KCNK2: variants seen among roughly 807,000 people sequenced by gnomAD.
KCNK2 encodes potassium two pore domain channel subfamily K member 2.
In KCNK2, 21 loss-of-function variants were observed where a neutral mutation model predicts 40.5. The ratio of observed to expected loss-of-function variants is 0.52; its 90% CI spans 0.37 to 0.75. KCNK2 has a LOEUF of 0.75. Ranked by LOEUF, KCNK2 falls within the 30% of genes least tolerant of loss-of-function variation. The pLI is 0.00. For synonymous variants in KCNK2, 191 were observed against 202.2 expected, an observed-to-expected ratio of 0.94 and a Z score of 0.47; for missense variants, 399 against 531.6, an observed-to-expected ratio of 0.75 and a Z score of 2.45.
chr1:215,011,057 C>T (rs556415424), intron 1 of KCNK2, among the ~76,000 whole-genome samples: 138 of 150,562 alleles, frequency 9.2e-4, no homozygotes, highest in Non-Finnish European at 1.8e-3. Context: ...GTAAAATTCA[C>T]TATTTTTTGT....
chr1:215,146,388 A>G (rs550701406), intron 3 of KCNK2, among the ~76,000 whole-genome samples: 3 of 152,310 alleles, frequency 2.0e-5, no homozygotes, highest in African/African-American at 7.2e-5. Context: ...GAAATTTACA[A>G]CTGTCATGTA....
chr1:215,039,373 A>G (rs912695936), intron 1 of KCNK2, among the ~76,000 whole-genome samples: 5 of 152,162 alleles, frequency 3.3e-5, no homozygotes, highest in East Asian at 1.9e-4. Flanking sequence ...CCACTGAGTT[A>G]TATAATAATT....
rs528295280 is a variant in KCNK2 at position 215,191,126 on chromosome 1, A to C, written c.824-3827A>C. ...GTGGTGAAACCCTGTCTCTACTAAAAATACAAAAATTCGTCAGGCGTGGTG... is the reference window on the plus strand; with the variant it reads ...GTGGTGAAACCCTGTCTCTACTAAACATACAAAAATTCGTCAGGCGTGGTG... On this transcript the variant is annotated intron_variant, in intron 5 of 6. Coordinates refer to ENST00000444842, the MANE Select transcript of KCNK2 (RefSeq NM_001017425.3). 3.5e-3 allele frequency among the ~76,000 whole-genome samples: 534 copies of C among 152,006 alleles called. 1 individual carries two copies. The highest frequency in any genetic ancestry group is 0.021 in the Middle Eastern group (6 of 292).
intron 2 of KCNK2, among the ~76,000 whole-genome samples, chr1:215,117,402 A>G (rs928557006): frequency 6.6e-6 from 1 of 152,088 alleles, no homozygotes; most frequent in Non-Finnish European, 1.5e-5. Context: ...ATAAGTATGT[A>G]TCCTTCACTG....
chr1:215,223,520 G>T (rs1666267938), intron 6 of KCNK2, among the ~76,000 whole-genome samples: 1 of 152,098 alleles, frequency 6.6e-6, no homozygotes, highest in Non-Finnish European at 1.5e-5. Context: ...AAGATTGTAG[G>T]ACTGCAAGGG....
At chr1:215,168,034 G>A (rs574317956) in intron 3 of KCNK2, among the ~76,000 whole-genome samples, 2 of 151,230 alleles carry the variant, frequency 1.3e-5, no homozygotes, top group Non-Finnish European at 3.0e-5. Flanking sequence ...AAAAAAAACC[G>A]ATAAAAAACT....
chr1:215,167,488 C>A (rs2102631617), intron 3 of KCNK2, among the ~76,000 whole-genome samples: 1 of 151,984 alleles, frequency 6.6e-6, no homozygotes, highest in East Asian at 1.9e-4. Context: ...ATTTTTTAAC[C>A]CAAGCATATA....
intron 1 of KCNK2, among the ~76,000 whole-genome samples, chr1:215,021,138 T>A (rs546838226): frequency 6.6e-6 from 1 of 152,292 alleles, no homozygotes; most frequent in East Asian, 1.9e-4. Flanking sequence ...CAGTGAAAAA[T>A]TATGCTTCAG....
chr1:215,028,168 C>A (rs953743662), intron 1 of KCNK2, among the ~76,000 whole-genome samples: 3 of 152,140 alleles, frequency 2.0e-5, no homozygotes, highest in Non-Finnish European at 4.4e-5. Flanking sequence ...GGGTGGATCA[C>A]CTGAGGTCAG....
chr1:215,057,931 G>A (rs1483160986), intron 1 of KCNK2, among the ~76,000 whole-genome samples: 1 of 152,096 alleles, frequency 6.6e-6, no homozygotes, highest in Non-Finnish European at 1.5e-5. Flanking sequence ...AGTGCTCAGT[G>A]AATAGTAGTG....
At chr1:215,013,403 A>G (rs926887504) in intron 1 of KCNK2, among the ~76,000 whole-genome samples, 1 of 152,190 alleles carries the variant, frequency 6.6e-6, no homozygotes, top group Non-Finnish European at 1.5e-5. Flanking sequence ...CTTCTTTTAA[A>G]AAAATGTTTT....
chr1:215,231,773 T>C (rs1666677877), intron 6 of KCNK2, among the ~76,000 whole-genome samples: 1 of 152,188 alleles, frequency 6.6e-6, no homozygotes, highest in Admixed American at 6.5e-5. Context: ...GAAAGAGATT[T>C]AATGGACTCA....
chr1:215,010,793 G>C (rs1231684630), intron 1 of KCNK2, among the ~76,000 whole-genome samples: 1 of 150,038 alleles, frequency 6.7e-6, no homozygotes, highest in African/African-American at 2.4e-5. Flanking sequence ...TTTTATTTTT[G>C]AGAAGGGTAT....
intron 5 of KCNK2, among the ~76,000 whole-genome samples, chr1:215,174,963 T>C (rs1294390709): frequency 3.9e-5 from 6 of 152,148 alleles, no homozygotes; most frequent in Non-Finnish European, 8.8e-5. Flanking sequence ...CTTTATTTCT[T>C]TCTCCTGCCT....
intron 1 of KCNK2, among the ~76,000 whole-genome samples, chr1:215,010,730 G>A (rs555977734): frequency 9.9e-5 from 15 of 152,162 alleles, no homozygotes; most frequent in African/African-American, 3.4e-4. Context: ...CAAGAGTTCT[G>A]AGTAGTGTGA....
At chr1:215,208,758 T>C (rs1464668149) in intron 6 of KCNK2, among the ~76,000 whole-genome samples, 1 of 152,148 alleles carries the variant, frequency 6.6e-6, no homozygotes, top group Non-Finnish European at 1.5e-5. Flanking sequence ...ATGATGATTT[T>C]TTTCAAGGAA....
intron 1 of KCNK2, among the ~76,000 whole-genome samples, chr1:215,038,899 A>G (rs2841575): frequency 0.45 from 67,756 of 151,738 alleles, 16,923 homozygotes; most frequent in Non-Finnish European, 0.56. Context: ...GAATCTTAAG[A>G]TGGTTTATCA....
chr1:215,059,380 C>T (rs1219922950), intron 1 of KCNK2, among the ~76,000 whole-genome samples: 4 of 152,060 alleles, frequency 2.6e-5, no homozygotes, highest in Admixed American at 6.6e-5. Flanking sequence ...AGGTAATCAA[C>T]CCTATATTTA....
intron 6 of KCNK2, among the ~76,000 whole-genome samples, chr1:215,224,132 A>G (rs967228492): frequency 1.3e-5 from 2 of 152,168 alleles, no homozygotes; most frequent in African/African-American, 4.8e-5. Flanking sequence ...GCTGAGTTTT[A>G]TGGAAAACAG....
Sources: allele counts gnomAD v4.1 joint callset (sites outside exome capture counted in the v4.1 genomes callset), GRCh38; gene constraint gnomAD v4.1.1; transcripts MANE v1.5; gene names NCBI Gene and HGNC (gene_info 2026-07-23, HGNC 2026-07-21).